Variants in DOCK8 observed in about 807,000 individuals in gnomAD.
The protein encoded by DOCK8 is dedicator of cytokinesis 8.
In DOCK8, 141 loss-of-function variants were observed where a neutral mutation model predicts 245.6. The ratio of observed to expected loss-of-function variants is 0.57; its 90% CI spans 0.50 to 0.66. The LOEUF (loss-of-function observed/expected upper bound fraction) is 0.66. Among genes scored for constraint, DOCK8 ranks in the 30% least tolerant of loss-of-function variants. DOCK8 has a pLI of 0.00. For synonymous variants in DOCK8, 1,168 were observed against 970.2 expected (o/e 1.20, Z -3.79); for missense variants, 2,965 against 2,603.4 (o/e 1.14, Z -3.02).
At chr9:308,380 T>C (rs34559001) in intron 5 of DOCK8, among the ~76,000 whole-genome samples, 29,812 of 152,160 alleles carry the variant, frequency 0.2, 3,628 homozygotes, top group African/African-American at 0.35. Flanking sequence ...ACAAAAGTTG[T>C]TTGTTTTGAA....
chr9:336,788 G>A, intron 12 of DOCK8, 70 bp downstream of exon 12: 1 of 1,590,326 alleles, frequency 6.3e-7, no homozygotes, highest in Non-Finnish European at 8.6e-7. Flanking sequence ...CCCACAGGAG[G>A]AGGATACGTA....
chr9:243,860 C>G (rs2047437978), intron 1 of DOCK8, among the ~76,000 whole-genome samples: 2 of 152,034 alleles, frequency 1.3e-5, no homozygotes, highest in African/African-American at 2.4e-5. Flanking sequence ...TCCATGGTGC[C>G]TACTACTCCT....
chr9:227,661 A>G (rs574965799), intron 1 of DOCK8, among the ~76,000 whole-genome samples: 5 of 152,158 alleles, frequency 3.3e-5, no homozygotes, highest in Non-Finnish European at 5.9e-5. Context: ...GAACATTTCT[A>G]TTGGGCGGCT....
At chr9:259,524 C>T (rs1346123239) in intron 1 of DOCK8, among the ~76,000 whole-genome samples, 2 of 152,158 alleles carry the variant, frequency 1.3e-5, no homozygotes, top group Admixed American at 1.3e-4. Flanking sequence ...CCAGACATTT[C>T]CAGCCCTGAG....
At chr9:266,782 G>A (rs540054087) in intron 1 of DOCK8, among the ~76,000 whole-genome samples, 23 of 152,128 alleles carry the variant, frequency 1.5e-4, no homozygotes, top group African/African-American at 5.3e-4. Flanking sequence ...GCTCCCTTCC[G>A]GGAGAATAAA....
At chr9:403,884 CTCTCTCTCTA>C (rs1301379013) in intron 26 of DOCK8, among the ~76,000 whole-genome samples, 5 of 89,680 alleles carry the variant, frequency 5.6e-5, no homozygotes, top group South Asian at 3.6e-4. Flanking sequence ...CTCTCTCTCT[CTCTCTCTCTA>C]TATATATATA....
intron 14 of DOCK8, among the ~76,000 whole-genome samples, chr9:343,598 C>G (rs1297853101): frequency 6.6e-6 from 1 of 152,050 alleles, no homozygotes; most frequent in African/African-American, 2.4e-5. Flanking sequence ...CACTTATTTC[C>G]CCATTTAATC....
chr9:341,267 G>A (rs986502236), intron 14 of DOCK8, among the ~76,000 whole-genome samples: 1 of 152,218 alleles, frequency 6.6e-6, no homozygotes, highest in African/African-American at 2.4e-5. Context: ...GGCCTAACAG[G>A]TTGGGCTGCC....
chr9:235,702 C>G (rs1235337652), intron 1 of DOCK8, among the ~76,000 whole-genome samples: 1 of 152,134 alleles, frequency 6.6e-6, no homozygotes, highest in Non-Finnish European at 1.5e-5. Flanking sequence ...ACCCTCTGAG[C>G]CATGTGTGGG....
chr9:352,950 A>G (rs532945272), intron 14 of DOCK8, among the ~76,000 whole-genome samples: 1 of 152,216 alleles, frequency 6.6e-6, no homozygotes, highest in South Asian at 2.1e-4. Context: ...TTCCCTTTGA[A>G]AAATCTCATA....
chr9:371,587 T>C lies in DOCK8; in HGVS notation c.2007+21T>C, dbSNP rs539140438. 2.4e-5 allele frequency: 38 copies of C among 1,614,062 alleles called. 1 individual carries two copies. In the South Asian group the frequency reaches 3.8e-4, roughly 16 times the overall value. The stretch of plus-strand genomic sequence containing the variant: ...ATTCAGTGAGTTGTTTCCAGCCTGC[T>C]GACTCACACTGCAGTTGTTGGTGCA... On this transcript the variant is annotated intron_variant, in intron 17 of 47. Coordinates refer to ENST00000432829, the MANE Select transcript of DOCK8 (RefSeq NM_203447.4).
intron 1 of DOCK8, among the ~76,000 whole-genome samples, chr9:267,702 G>C (rs943125546): frequency 6.6e-6 from 1 of 152,086 alleles, no homozygotes; most frequent in African/African-American, 2.4e-5. Flanking sequence ...TTTATATGCA[G>C]GTTTCCATGG....
At chr9:343,485 T>TA (rs140799445) in intron 14 of DOCK8, among the ~76,000 whole-genome samples, 3,015 of 144,574 alleles carry the variant, frequency 0.021, 98 homozygotes, top group African/African-American at 0.07. Flanking sequence ...ACCCTATCTC[T>TA]AAAAAAAAAA....
At chr9:382,193 G>A (rs139819920) in intron 21 of DOCK8, among the ~76,000 whole-genome samples, 1 of 152,196 alleles carries the variant, frequency 6.6e-6, no homozygotes, top group Non-Finnish European at 1.5e-5. Context: ...CTTCTCATGA[G>A]AAATCAGAAG....
chr9:273,757 G>A (rs1252280673), intron 2 of DOCK8, among the ~76,000 whole-genome samples: 1 of 149,960 alleles, frequency 6.7e-6, no homozygotes, highest in Admixed American at 6.7e-5. Context: ...GCACCATCTC[G>A]GCTCATCGCA....
rs550323659 is a variant in DOCK8, at chr9:342,859, A to G, written c.1679+2538A>G. 2.2e-4 allele frequency among the ~76,000 whole-genome samples: 34 copies of G among 152,194 alleles called. 4 individuals are homozygous for G. The highest frequency in any genetic ancestry group is 7.9e-4 in the African/African-American group (33 of 41,516). On this transcript the variant is annotated intron_variant, in intron 14 of 47. Coordinates refer to ENST00000432829, the MANE Select transcript of DOCK8 (RefSeq NM_203447.4). ...TTGATACGCATTTAAGTCTTTTTCA[A>G]GTTTTCAGCTCTTACAAACACTATG...
At chr9:388,699 C>T (rs1563996631) in intron 23 of DOCK8, among the ~76,000 whole-genome samples, 1 of 152,004 alleles carries the variant, frequency 6.6e-6, no homozygotes, top group South Asian at 2.1e-4. Context: ...GGATTACAAC[C>T]GTGAACCACC....
chr9:400,805 A>C (rs1434412124), intron 26 of DOCK8, among the ~76,000 whole-genome samples: 8 of 102,126 alleles, frequency 7.8e-5, no homozygotes, highest in Admixed American at 1.0e-4. Context: ...CACCACCTCC[A>C]CCATCACCAC....
intron 18 of DOCK8, among the ~76,000 whole-genome samples, chr9:374,519 T>C (rs1447890017): frequency 7.3e-6 from 1 of 137,188 alleles, no homozygotes; most frequent in Non-Finnish European, 1.5e-5. Flanking sequence ...TGGAGTGCAG[T>C]GGCGTGATCA....
Sources: allele counts gnomAD v4.1 joint callset (sites outside exome capture counted in the v4.1 genomes callset), GRCh38; gene constraint gnomAD v4.1.1; transcripts MANE v1.5; gene names NCBI Gene and HGNC (gene_info 2026-07-23, HGNC 2026-07-21).